Variants in NEK1 observed in about 807,000 individuals in gnomAD.
The protein encoded by NEK1 is serine/threonine-protein kinase Nek1.
Under a neutral mutation model 182.1 loss-of-function variants are expected in NEK1, and 137 were observed. That is an observed-to-expected ratio of 0.75 (90% CI 0.65 to 0.87). The LOEUF (loss-of-function observed/expected upper bound fraction) is 0.87. Among genes scored for constraint, NEK1 ranks in the 40% least tolerant of loss-of-function variants. The pLI, the probability that NEK1 is intolerant of heterozygous loss-of-function variation, is 0.00. For missense variants in NEK1, 1,391 were observed against 1,494.4 expected, an observed-to-expected ratio of 0.93 and a Z score of 1.14; for synonymous variants, 513 against 492.2, an observed-to-expected ratio of 1.04 and a Z score of -0.56.
At chr4:169,609,048 G>A (rs1409218389) in intron 2 of NEK1, among the ~76,000 whole-genome samples, 9 of 133,030 alleles carry the variant, frequency 6.8e-5, no homozygotes, top group African/African-American at 2.5e-4. Flanking sequence ...GTGACAGAGC[G>A]AGACTCCTTC....
chr4:169,428,502 A>T (rs1049883520), intron 29 of NEK1, among the ~76,000 whole-genome samples: 5 of 151,916 alleles, frequency 3.3e-5, no homozygotes, highest in Non-Finnish European at 7.4e-5. Flanking sequence ...TGATTCTGTA[A>T]GAAAAATCCA....
At chr4:169,478,442 C>A (rs1302219105) in intron 24 of NEK1, 1 of 152,038 alleles carries the variant, frequency 6.6e-6, no homozygotes, top group East Asian at 1.9e-4. Flanking sequence ...AGGGACCACA[C>A]AGTGGTATCT....
At chr4:169,571,942 G>GC (rs1404662322) in intron 12 of NEK1, among the ~76,000 whole-genome samples, 2 of 137,192 alleles carry the variant, frequency 1.5e-5, no homozygotes, top group Non-Finnish European at 3.1e-5. Flanking sequence ...GTTTCACCAT[G>GC]TTGGCCATGA....
intron 2 of NEK1, among the ~76,000 whole-genome samples, chr4:169,611,629 T>C (rs1772338657): frequency 6.6e-6 from 1 of 152,212 alleles, no homozygotes; most frequent in Admixed American, 6.5e-5. Context: ...ATGCCTTACA[T>C]ATGGAAACTG....
In NEK1 at chr4:169,561,571, T is replaced by C; in HGVS notation, c.1192-17A>G. ...TCTTTCCAACTTTGGGGAAAAGAAA[T>C]AAACAAAACACCATTTCAAGTATTT... On this transcript the variant is annotated splice_polypyrimidine_tract_variant and intron_variant, in intron 15 of 35. Transcript: ENST00000507142. The C allele has an allele frequency of 6.2e-7, 1 of 1,610,392 alleles. No homozygotes were observed.
chr4:169,558,435 A>G (rs1422636701), intron 16 of NEK1, among the ~76,000 whole-genome samples: 1 of 152,188 alleles, frequency 6.6e-6, no homozygotes, highest in Non-Finnish European at 1.5e-5. Flanking sequence ...TTTGCAGTAA[A>G]TGCTCGCACT....
At chr4:169,581,956 G>A (rs997634403) in intron 10 of NEK1, among the ~76,000 whole-genome samples, 3 of 151,648 alleles carry the variant, frequency 2.0e-5, no homozygotes, top group East Asian at 1.9e-4. Flanking sequence ...TAGTATAAAC[G>A]CTCCATTATA....
chr4:169,480,042 G>C (rs1476482612), intron 23 of NEK1, among the ~76,000 whole-genome samples: 1 of 152,046 alleles, frequency 6.6e-6, no homozygotes, highest in Non-Finnish European at 1.5e-5. Context: ...TAACATATGT[G>C]CTTGTTTTTA....
Position 169,507,180 on chromosome 4 carries a change from G to T in NEK1, c.1912-48C>A, listed in dbSNP as rs6855803. The T allele has an allele frequency of 0.2, 180,515 of 891,264 alleles. 24,351 individuals are homozygous for T. The highest frequency in any genetic ancestry group is 0.58 in the African/African-American group (32,559 of 55,766). The allele number at this position is 891,264 out of a possible 1,614,324, so 55.2% of individuals were successfully genotyped here. A position where few individuals can be genotyped will look rare whatever the true frequency, so the allele number is the denominator to read the frequency against. On this transcript the variant is annotated intron_variant, in intron 22 of 35. Transcript: ENST00000507142. ...AAATGAGTTACCAGAAAGAAGGGCA[G>T]AGGTTTTTTTTTTTTTTTTTGGGCC...
chr4:169,414,370 A>G (rs1734168658), intron 31 of NEK1, among the ~76,000 whole-genome samples: 1 of 152,156 alleles, frequency 6.6e-6, no homozygotes, highest in South Asian at 2.1e-4. Context: ...TAAACCTCAT[A>G]TTAGTAATCT....
chr4:169,442,341 T>C (rs1016993738), intron 27 of NEK1, among the ~76,000 whole-genome samples: 1 of 152,036 alleles, frequency 6.6e-6, no homozygotes. Context: ...TGACACTGAT[T>C]ACAGCCAAAG....
intron 18 of NEK1, 160 bp downstream of exon 18, chr4:169,555,560 A>C: frequency 1.2e-6 from 1 of 827,940 alleles, no homozygotes; most frequent in Non-Finnish European, 2.0e-6. Flanking sequence ...AGAGTAATCA[A>C]GGGCCAAATT....
chr4:169,467,463 T>A (rs1266129208), intron 26 of NEK1, among the ~76,000 whole-genome samples: 1 of 151,986 alleles, frequency 6.6e-6, no homozygotes, highest in Non-Finnish European at 1.5e-5. Context: ...GAAATAACAA[T>A]GAGCTATAGC....
intron 23 of NEK1, among the ~76,000 whole-genome samples, chr4:169,505,380 T>A (rs1337797458): frequency 1.3e-5 from 2 of 152,182 alleles, no homozygotes; most frequent in East Asian, 3.8e-4. Context: ...TTTATGATGA[T>A]CCACTTCCAT....
intron 31 of NEK1, among the ~76,000 whole-genome samples, chr4:169,409,373 T>C (rs950268265): frequency 1.3e-5 from 2 of 151,972 alleles, no homozygotes; most frequent in African/African-American, 4.8e-5. Context: ...CTCGATCTCC[T>C]GACCTCATGA....
In NEK1 at chr4:169,507,057, T is replaced by C; in HGVS notation, c.1987A>G (p.Lys663Glu). 1.9e-6 allele frequency: 3 copies of C among 1,608,166 alleles called. No homozygotes were observed. Among genetic ancestry groups the C allele is most frequent in the South Asian group, 1.1e-5 (1 of 89,960 alleles). ...RKRKEAYERE[K>E]KVWEEHLVAK... ...CTTACATGCTCTTCCCACACTTTTTTTTCTCTCTCATAAGCCTCCTTTCTC... is the reference window on the plus strand; with the variant it reads ...CTTACATGCTCTTCCCACACTTTTTCTTCTCTCTCATAAGCCTCCTTTCTC... Residue 663 changes from lysine to glutamate, a missense_variant, in exon 23 of 36, where the codon AAA becomes GAA. By Grantham distance (56) the Lys-to-Glu change is moderately conservative. Transcript: ENST00000507142.
intron 12 of NEK1, among the ~76,000 whole-genome samples, chr4:169,569,467 C>T (rs138185423): frequency 1.3e-4 from 15 of 118,250 alleles, no homozygotes; most frequent in East Asian, 2.4e-4. Flanking sequence ...TCTCTCCCTC[C>T]CTCCCTCTCT....
At chr4:169,610,471 G>A (rs569602020) in intron 2 of NEK1, among the ~76,000 whole-genome samples, 92 of 151,660 alleles carry the variant, frequency 6.1e-4, no homozygotes, top group Non-Finnish European at 1.1e-3. Context: ...GCACCACCAC[G>A]CCCGTCTAAT....
chr4:169,536,160 G>A (rs944403338), intron 19 of NEK1, among the ~76,000 whole-genome samples: 3 of 151,818 alleles, frequency 2.0e-5, no homozygotes, highest in African/African-American at 4.8e-5. Flanking sequence ...AGATGGGCGT[G>A]GTGGTACACA....
Sources: gnomAD v4.1 joint callset for allele counts (sites outside exome capture counted in the v4.1 genomes callset) on GRCh38, gnomAD v4.1.1 for gene constraint, MANE v1.5 for transcripts, NCBI Gene and HGNC (gene_info 2026-07-23, HGNC 2026-07-21) for gene names.